Variants in BAALC observed in about 807,000 individuals in gnomAD.
BAALC encodes the protein BAALC binder of MAP3K1 and KLF4, also known as brain and acute leukemia cytoplasmic protein.
In BAALC, 9 loss-of-function variants were observed where a neutral mutation model predicts 15.5. That is an observed-to-expected ratio of 0.58 (90% CI 0.35 to 1.02). BAALC has a LOEUF of 1.02. BAALC is among the 50% of genes least tolerant of loss of function. BAALC has a pLI of 0.02. For missense variants in BAALC, 201 were observed against 192.4 expected (o/e 1.04, Z -0.27); for synonymous variants, 80 against 74.6 (o/e 1.07, Z -0.37).
intron 1 of BAALC, among the ~76,000 whole-genome samples, chr8:103,143,419 G>A (rs536960206): frequency 2.0e-5 from 3 of 152,162 alleles, no homozygotes; most frequent in African/African-American, 4.8e-5. Context: ...TACAGAAGTT[G>A]TTTTCTGATG....
chr8:103,182,382 G>A (rs1441111118), intron 1 of BAALC, among the ~76,000 whole-genome samples: 1 of 152,228 alleles, frequency 6.6e-6, no homozygotes, highest in Non-Finnish European at 1.5e-5. Context: ...TCATTCTGTA[G>A]TGTTGAGAAG....
chr8:103,171,457 G>GAAAGA (rs1157363441), intron 1 of BAALC, among the ~76,000 whole-genome samples: 1 of 151,616 alleles, frequency 6.6e-6, no homozygotes, highest in Non-Finnish European at 1.5e-5. Context: ...AAGTAAGAAA[G>GAAAGA]AAAGAAAAGA....
At chr8:103,148,680 T>G (rs1341499457) in intron 1 of BAALC, among the ~76,000 whole-genome samples, 1 of 152,224 alleles carries the variant, frequency 6.6e-6, no homozygotes, top group Non-Finnish European at 1.5e-5. Flanking sequence ...GATATCTTGG[T>G]CCTGGACTTC....
chr8:103,193,413 C>T (rs1812018464), intron 1 of BAALC, among the ~76,000 whole-genome samples: 1 of 152,212 alleles, frequency 6.6e-6, no homozygotes, highest in South Asian at 2.1e-4. Flanking sequence ...TTGTCCCTGC[C>T]TCTTTTCTCC....
intron 1 of BAALC, among the ~76,000 whole-genome samples, chr8:103,210,829 T>C (rs1402596721): frequency 1.3e-5 from 2 of 152,212 alleles, no homozygotes; most frequent in African/African-American, 4.8e-5. Flanking sequence ...ATTTAGGGAA[T>C]ATTGCTGTCT....
intron 1 of BAALC, among the ~76,000 whole-genome samples, chr8:103,189,270 A>G (rs1168363124): frequency 6.6e-6 from 1 of 152,246 alleles, no homozygotes; most frequent in Non-Finnish European, 1.5e-5. Context: ...TTTGGTTTTA[A>G]AATATGTAAT....
intron 1 of BAALC, among the ~76,000 whole-genome samples, chr8:103,205,557 T>C (rs1452709048): frequency 6.6e-6 from 1 of 152,082 alleles, no homozygotes; most frequent in African/African-American, 2.4e-5. Context: ...GATAGATAGA[T>C]CTATATATAT....
At position 103,227,917 on chromosome 8, in the gene BAALC, T is replaced by C. The variant is rs1812841820; in HGVS notation, c.328-72T>C. ...TGGCACAATAAACCTCTAAATTGAT[T>C]GAGACTTGCCTCGGTCATTTTCTTT... On this transcript the variant is annotated intron_variant, in intron 2 of 2. Transcript: ENST00000309982. 27 of 1,047,690 alleles carry C rather than the reference T, an allele frequency of 2.6e-5. 1 individual carries two copies. In the South Asian group the frequency reaches 3.7e-4, roughly 14 times the overall value. The allele number at this position is 1,047,690 out of a possible 1,614,324, so 64.9% of individuals were successfully genotyped here.
chr8:103,213,770 T>A (rs1265858137), intron 2 of BAALC, among the ~76,000 whole-genome samples: 2 of 152,206 alleles, frequency 1.3e-5, no homozygotes, highest in East Asian at 3.9e-4. Flanking sequence ...GACTTCCTTA[T>A]CTTCCCTATG....
chr8:103,222,583 C>T (rs990214034), intron 2 of BAALC, among the ~76,000 whole-genome samples: 4 of 152,188 alleles, frequency 2.6e-5, no homozygotes, highest in East Asian at 1.9e-4. Context: ...AACATCCTCA[C>T]GACTGCTTTT....
chr8:103,150,254 G>A (rs1810956214), intron 1 of BAALC, among the ~76,000 whole-genome samples: 1 of 152,126 alleles, frequency 6.6e-6, no homozygotes, highest in Non-Finnish European at 1.5e-5. Flanking sequence ...CACAACACGT[G>A]GGAATTGTGG....
intron 1 of BAALC, among the ~76,000 whole-genome samples, chr8:103,142,897 C>G (rs1398057433): frequency 2.0e-5 from 3 of 152,200 alleles, no homozygotes; most frequent in Non-Finnish European, 4.4e-5. Flanking sequence ...GGTACCCTGC[C>G]AAACATGGGC....
At chr8:103,210,367 C>T (rs973390218) in intron 1 of BAALC, among the ~76,000 whole-genome samples, 2 of 152,204 alleles carry the variant, frequency 1.3e-5, no homozygotes, top group Non-Finnish European at 2.9e-5. Flanking sequence ...GATTTCTATC[C>T]CATGGTCACA....
At chr8:103,150,927 G>T (rs1298187386) in intron 1 of BAALC, among the ~76,000 whole-genome samples, 1 of 152,056 alleles carries the variant, frequency 6.6e-6, no homozygotes. Context: ...CATGACCTCG[G>T]GTCCCTGGGC....
intron 1 of BAALC, chr8:103,183,260 C>A: frequency 2.9e-6 from 2 of 679,222 alleles, no homozygotes; most frequent in South Asian, 1.6e-5. Context: ...AGTCCTTTGT[C>A]AGAATCCCAA....
intron 2 of BAALC, among the ~76,000 whole-genome samples, chr8:103,224,109 G>A (rs1374099796): frequency 9.0e-6 from 1 of 111,172 alleles, no homozygotes; most frequent in African/African-American, 3.5e-5. Flanking sequence ...GTGCTTCTGC[G>A]TGCGTCTGTG....
chr8:103,160,416 G>A (rs1811198488), intron 1 of BAALC, among the ~76,000 whole-genome samples: 1 of 152,138 alleles, frequency 6.6e-6, no homozygotes, highest in Non-Finnish European at 1.5e-5. Context: ...TAGCTGAAGT[G>A]TGGATAGGCA....
At chr8:103,195,968 TGAG>T (rs1294624821) in intron 1 of BAALC, among the ~76,000 whole-genome samples, 4 of 152,088 alleles carry the variant, frequency 2.6e-5, no homozygotes, top group African/African-American at 7.2e-5. Flanking sequence ...AACCCGGTCT[TGAG>T]GAGGAGTCTG....
intron 1 of BAALC, among the ~76,000 whole-genome samples, chr8:103,205,819 A>G (rs1191374912): frequency 2.6e-5 from 4 of 152,184 alleles, no homozygotes; most frequent in African/African-American, 7.2e-5. Flanking sequence ...AACATACGGA[A>G]CCTGGGTTAA....
Sources: allele counts gnomAD v4.1 joint callset (sites outside exome capture counted in the v4.1 genomes callset), GRCh38; gene constraint gnomAD v4.1.1; transcripts MANE v1.5; gene names NCBI Gene and HGNC (gene_info 2026-07-23, HGNC 2026-07-21).